Variants in RIF1 observed in about 807,000 individuals in gnomAD.
RIF1 encodes telomere-associated protein RIF1.
Under a neutral mutation model 247.1 loss-of-function variants are expected in RIF1, and 45 were observed. The ratio of observed to expected loss-of-function variants is 0.18; its 90% CI spans 0.14 to 0.23. The LOEUF (loss-of-function observed/expected upper bound fraction) is 0.23. Ranked by LOEUF, RIF1 falls within the 10% of genes least tolerant of loss-of-function variation. The probability of loss-of-function intolerance (pLI) is 1.00; values close to 1 mark genes in which losing one functional copy is unlikely to be tolerated. For missense variants in RIF1, 2,967 were observed against 2,862.5 expected (o/e 1.04, Z -0.83); for synonymous variants, 1,087 against 978.8 (o/e 1.11, Z -2.06).
In RIF1 at chr2:151,478,824, A is replaced by T. The variant is rs895819439; in HGVS notation, c.*3753A>T. The stretch of plus-strand genomic sequence containing the variant: ...TTGATTTTCAAGAAGTTAATTTGTC[A>T]TTCAGCCTAGGAGGCTATAAAACAG... On this transcript the variant is annotated 3_prime_UTR_variant, in exon 36 of 36. Coordinates refer to ENST00000444746, the MANE Select transcript of RIF1 (RefSeq NM_018151.5). 6.6e-6 allele frequency: 1 copy of T among 152,194 alleles called. No individual in the cohort carries two copies. The highest frequency in any genetic ancestry group is 2.4e-5 in the African/African-American group (1 of 41,444). The allele number at this position is 152,194 out of a possible 1,614,324, so 9.4% of individuals were successfully genotyped here. A position where few individuals can be genotyped will look rare whatever the true frequency, so the allele number is the denominator to read the frequency against.
rs1300012326 is a variant in RIF1 at position 151,411,347 on chromosome 2, C to CT, written c.183+10dup. On this transcript the variant is annotated intron_variant, in intron 3 of 35. Transcript: ENST00000444746. ...TGTACAAAGTTTTAAAGGTATGTAT[C>CT]TGTTTGTTAAACAGTTTTTCACTTT... The CT allele has an allele frequency of 1.3e-6, 2 of 1,501,606 alleles. No individual in the cohort carries two copies. The highest frequency in any genetic ancestry group is 2.0e-5 in the Admixed American group (1 of 49,248). 93.0% of individuals were successfully genotyped at this position (1,501,606 alleles called of 1,614,324 possible).
In RIF1 at chr2:151,410,434, G is replaced by T. The variant is rs758428327; in HGVS notation, c.11G>T (p.Arg4Met). 5.0e-6 allele frequency: 8 copies of T among 1,613,098 alleles called. No individual in the cohort carries two copies. Among genetic ancestry groups the T allele is most frequent in the Non-Finnish European group, 6.8e-6 (8 of 1,179,662 alleles). ...CTCAGGGTGGCCGACATGACGGCCAGGGGTCAGAGCCCCCTCGCGCCGCTG... is the reference window on the plus strand; with the variant it reads ...CTCAGGGTGGCCGACATGACGGCCATGGGTCAGAGCCCCCTCGCGCCGCTG... MTA[R>M]GQSPLAPLLE... Residue 4 changes from arginine to methionine, a missense_variant, in exon 2 of 36, where the codon AGG (arginine) becomes ATG (methionine). By Grantham distance (91) the Arg-to-Met change is moderately conservative. Coordinates refer to ENST00000444746, the MANE Select transcript of RIF1 (RefSeq NM_018151.5).
intron 9 of RIF1, among the ~76,000 whole-genome samples, chr2:151,432,020 T>C (rs1275199197): frequency 1.3e-5 from 2 of 152,164 alleles, no homozygotes; most frequent in Non-Finnish European, 2.9e-5. Context: ...TATTTATTTA[T>C]TTATTCAGGA....
At chr2:151,531,137 G>T in the RIF1 span, 1 of 1,301,990 alleles carries the variant, frequency 7.7e-7, no homozygotes, top group Non-Finnish European at 1.1e-6. Context: ...ATCATGTCAT[G>T]CTTCTCAATG....
At chr2:151,410,639 G>A in intron 2 of RIF1, 112 bp downstream of exon 2, 2 of 884,022 alleles carry the variant, frequency 2.3e-6, no homozygotes, top group Middle Eastern at 2.2e-4. Context: ...TCTAGCAAAT[G>A]TGAGGACGCC....
In RIF1 at chr2:151,465,938, G is replaced by A. The variant is rs1482229168; in HGVS notation, c.6418G>A (p.Asp2140Asn). ...GTAISELIIE[D>N]NNASPQKLRE... ...AGCTATCTCTGAGCTAATAATAGAA[G>A]ACAATAATGCATCTCCTCAAAAACT... Residue 2140 changes from aspartate to asparagine, a missense_variant, in exon 30 of 36, where the codon GAC becomes AAC. This residue lies in a region of RIF1 where 2,028 missense variants were observed against 1,825.6 expected (regional missense o/e 1.11). Coordinates refer to ENST00000444746, the MANE Select transcript of RIF1 (RefSeq NM_018151.5). 1.2e-6 allele frequency: 2 copies of A among 1,614,122 alleles called. No individual in the cohort carries two copies. Among genetic ancestry groups the A allele is most frequent in the Admixed American group, 1.7e-5 (1 of 60,018 alleles).
chr2:151,411,326 C>T lies in RIF1; in HGVS notation c.171C>T (p.Tyr57=). The change falls in exon 3 of 36, where the codon TAC becomes TAT. Residue 57 remains tyrosine (Y), a synonymous_variant. Coordinates refer to ENST00000444746, the MANE Select transcript of RIF1 (RefSeq NM_018151.5). ...TEIEKKLPRL[Y]KVLKTHISSQ... ...TTGAGAAAAAACTTCCTCGGCTGTA[C>T]AAAGTTTTAAAGGTATGTATCTGTT... 6.3e-7 allele frequency: 1 copy of T among 1,585,128 alleles called. No individual in the cohort carries two copies. Among genetic ancestry groups the T allele is most frequent in the Middle Eastern group, 1.7e-4 (1 of 5,910 alleles).
chr2:151,525,352 C>T, the RIF1 span: 8 of 1,016,346 alleles, frequency 7.9e-6, no homozygotes, highest in Non-Finnish European at 1.1e-5. Context: ...TGTGAAATCT[C>T]CAGGAAAATC....
chr2:151,416,839 G>GTTT lies in RIF1; in HGVS notation c.442_444dup (p.Phe148dup). 1 of 1,612,736 alleles carries GTTT rather than the reference G, an allele frequency of 6.2e-7. No homozygotes were observed. Among genetic ancestry groups the GTTT allele is most frequent in the Non-Finnish European group, 8.5e-7 (1 of 1,179,192 alleles). On this transcript the variant is annotated inframe_insertion, in exon 6 of 36. Transcript: ENST00000444746. ...GTATAATTGATTCATTAGAAATACT[G>GTTT]TTTAACAAAGGAGAGACGCATTCTG...
At chr2:151,470,468 C>T (rs1011288584) in intron 34 of RIF1, among the ~76,000 whole-genome samples, 1 of 152,108 alleles carries the variant, frequency 6.6e-6, no homozygotes, top group African/African-American at 2.4e-5. Context: ...GAGATATTTG[C>T]ATTATGCAGC....
the RIF1 span, among the ~76,000 whole-genome samples, chr2:151,521,524 G>A: frequency 6.6e-6 from 1 of 152,208 alleles, no homozygotes; most frequent in African/African-American, 2.4e-5. Context: ...GTTCCCAAGA[G>A]TTGTGAAACA....
intron 13 of RIF1, among the ~76,000 whole-genome samples, chr2:151,437,790 G>A (rs921708420): frequency 3.3e-5 from 5 of 152,072 alleles, no homozygotes; most frequent in African/African-American, 9.7e-5. Context: ...TTTAATTTTC[G>A]CAGTAACATA....
intron 34 of RIF1, among the ~76,000 whole-genome samples, chr2:151,472,381 G>C (rs2048607527): frequency 6.6e-6 from 1 of 152,072 alleles, no homozygotes; most frequent in South Asian, 2.1e-4. Context: ...TTGCCTGATT[G>C]CCCTGGCCAG....
At chr2:151,443,437 A>G in intron 17 of RIF1, 92 bp from the exon 18 acceptor site, 1 of 1,380,664 alleles carries the variant, frequency 7.2e-7, no homozygotes, top group Non-Finnish European at 9.9e-7. Context: ...AAAATTCGTT[A>G]ACTTTTTGTC....
downstream of RIF1, among the ~76,000 whole-genome samples, chr2:151,511,592 T>C (rs1335172539): frequency 2.6e-5 from 4 of 152,182 alleles, no homozygotes; most frequent in Non-Finnish European, 5.9e-5. Context: ...ACGTTAACTA[T>C]GGCTTTGGAA....
chr2:151,505,499 C>G, intron 12 of RIF1: 1 of 1,613,658 alleles, frequency 6.2e-7, no homozygotes, highest in South Asian at 1.1e-5. Context: ...GCTTCTGCGT[C>G]TCCTTCACAC....
chr2:151,465,438 T>C lies in RIF1; in HGVS notation c.5918T>C (p.Ile1973Thr), dbSNP rs184606412. The stretch of plus-strand genomic sequence containing the variant: ...GCAACTGAGGAATTTAATTCAGATA[T>C]TAGTCTTTCTGATAATACTACACCT... ...EVATEEFNSD[I>T]SLSDNTTPVK... The change falls in exon 30 of 36, where the codon ATT (isoleucine) becomes ACT (threonine). Residue 1973 changes from isoleucine (I) to threonine (T), a missense_variant. Ile to Thr is a moderately conservative substitution (Grantham distance 89, BLOSUM62 -1). Coordinates refer to ENST00000444746, the MANE Select transcript of RIF1 (RefSeq NM_018151.5). 228 of 1,613,878 alleles carry C rather than the reference T, an allele frequency of 1.4e-4. No individual in the cohort carries two copies. The highest frequency in any genetic ancestry group is 2.5e-4 in the Admixed American group (15 of 60,008).
chr2:151,507,645 T>C (rs1256751407), intron 13 of RIF1: 2 of 223,156 alleles, frequency 9.0e-6, no homozygotes, highest in Non-Finnish European at 1.8e-5. Context: ...ATACACATAT[T>C]TCCCTGTTTC....
At chr2:151,468,199 T>C in intron 31 of RIF1, 53 bp downstream of exon 31, 1 of 1,439,734 alleles carries the variant, frequency 6.9e-7, no homozygotes, top group Non-Finnish European at 9.5e-7. Flanking sequence ...CAGAATTACA[T>C]GTACATGATG....
Sources: gnomAD v4.1 joint callset for allele counts (sites outside exome capture counted in the v4.1 genomes callset) on GRCh38, gnomAD v4.1.1 for gene constraint, gnomAD v4.1.1 regional missense constraint, MANE v1.5 for transcripts, NCBI Gene and HGNC (gene_info 2026-07-23, HGNC 2026-07-21) for gene names.